Variants in GABRA3 observed in about 807,000 individuals in gnomAD.
GABRA3 encodes the protein gamma-aminobutyric acid type A receptor subunit alpha3.
A neutral mutation model predicts 30.1 loss-of-function variants in GABRA3; 10 were observed. The ratio of observed to expected loss-of-function variants is 0.33; its 90% CI spans 0.20 to 0.56. GABRA3 has a LOEUF of 0.56. Ranked by LOEUF, GABRA3 falls within the 20% of genes least tolerant of loss-of-function variation. GABRA3 has a pLI of 0.89. For synonymous variants in GABRA3, 151 were observed against 146.8 expected, an observed-to-expected ratio of 1.03 and a Z score of -0.21; for missense variants, 233 against 392.0, an observed-to-expected ratio of 0.59 and a Z score of 3.42.
At chrX:152,381,747 G>C (rs1182750185) in intron 1 of GABRA3, among the ~76,000 whole-genome samples, 1 of 107,797 alleles carries the variant, frequency 9.3e-6, no homozygotes, top group Non-Finnish European at 1.9e-5. Flanking sequence ...TCCCCTCCCT[G>C]TGTCCATATG....
intron 5 of GABRA3, among the ~76,000 whole-genome samples, chrX:152,232,767 G>A (rs572414311): frequency 8.2e-5 from 9 of 109,333 alleles, no homozygotes; most frequent in African/African-American, 3.0e-4. Flanking sequence ...TGTGAACAGT[G>A]CTGCAATAAA....
chrX:152,230,926 C>T (rs1938055947), intron 5 of GABRA3, among the ~76,000 whole-genome samples: 2 of 109,656 alleles, frequency 1.8e-5, no homozygotes, highest in South Asian at 7.6e-4. Flanking sequence ...AATCATGATG[C>T]ATACAAGAAA....
At chrX:152,385,483 A>G (rs368613690) in intron 1 of GABRA3, among the ~76,000 whole-genome samples, 29 of 112,255 alleles carry the variant, frequency 2.6e-4, no homozygotes, top group African/African-American at 9.4e-4. Flanking sequence ...CAAACCTAAC[A>G]TTAAATTAAC....
At chrX:152,177,085 G>C (rs1463998476) in intron 9 of GABRA3, among the ~76,000 whole-genome samples, 1 of 111,918 alleles carries the variant, frequency 8.9e-6, no homozygotes, top group African/African-American at 3.3e-5. Flanking sequence ...AAGAGTGAGA[G>C]AGTAATGGTC....
chrX:152,357,672 T>C lies in GABRA3; in HGVS notation c.140+6759A>G, dbSNP rs757964375. ...TTGGTTTTGTTGCAATTGCTTTTCA[T>C]GTCTTCATCATGAAATCTTTGCCAG... On this transcript the variant is annotated intron_variant, in intron 2 of 9. Coordinates refer to ENST00000370314, the MANE Select transcript of GABRA3 (RefSeq NM_000808.4). Among the ~76,000 whole-genome samples, 21 of 112,141 alleles carry C rather than the reference T, an allele frequency of 1.9e-4. No individual in the cohort carries two copies. In the South Asian group the frequency reaches 6.2e-3, roughly 33 times the overall value.
chrX:152,187,355 T>C (rs1937268965), intron 9 of GABRA3: 1 of 111,741 alleles, frequency 8.9e-6, no homozygotes, highest in Non-Finnish European at 1.9e-5. Context: ...TCAAGGATAG[T>C]GTCCCAAAAG....
intron 3 of GABRA3, among the ~76,000 whole-genome samples, chrX:152,286,150 A>G (rs1939292398): frequency 9.7e-6 from 1 of 103,361 alleles, no homozygotes; most frequent in South Asian, 4.4e-4. Flanking sequence ...TTATATACTT[A>G]TATACTATAA....
At chrX:152,175,851 T>C (rs998896535) in intron 9 of GABRA3, among the ~76,000 whole-genome samples, 1 of 110,086 alleles carries the variant, frequency 9.1e-6, no homozygotes, top group Non-Finnish European at 1.9e-5. Flanking sequence ...GATCATGAGG[T>C]CAGGAGATCG....
chrX:152,182,722 G>GTATATATACACTATATATACACTA (rs1569348627), intron 9 of GABRA3, among the ~76,000 whole-genome samples: 8 of 3,211 alleles, frequency 2.5e-3, no homozygotes, highest in Non-Finnish European at 3.1e-3. Flanking sequence ...ACATATATAG[G>GTATATATACACTATATATACACTA]TATAGTGTAT....
intron 3 of GABRA3, among the ~76,000 whole-genome samples, chrX:152,298,673 C>T (rs894772243): frequency 5.4e-5 from 6 of 110,742 alleles, no homozygotes; most frequent in Middle Eastern, 4.6e-3. Context: ...TGAATAGTGC[C>T]GTAATAAACA....
chrX:152,364,195 A>T (rs1023429823), intron 2 of GABRA3, among the ~76,000 whole-genome samples: 25 of 111,609 alleles, frequency 2.2e-4, no homozygotes, highest in African/African-American at 7.5e-4. Flanking sequence ...AACTATTTTT[A>T]AGATATTACA....
At chrX:152,242,068 C>CA (rs1277895419) in intron 5 of GABRA3, among the ~76,000 whole-genome samples, 3 of 111,411 alleles carry the variant, frequency 2.7e-5, no homozygotes, top group South Asian at 3.7e-4. Flanking sequence ...ATGGTACTAA[C>CA]AAAAAAACAA....
At chrX:152,448,251 C>A (rs1931136631) in intron 1 of GABRA3, among the ~76,000 whole-genome samples, 1 of 112,082 alleles carries the variant, frequency 8.9e-6, no homozygotes, top group South Asian at 3.7e-4. Context: ...AAATCCGAGG[C>A]CCCTGCCATA....
At chrX:152,221,843 C>T (rs1196189242) in intron 6 of GABRA3, among the ~76,000 whole-genome samples, 1 of 111,495 alleles carries the variant, frequency 9.0e-6, no homozygotes, top group Non-Finnish European at 1.9e-5. Flanking sequence ...AGATTAGTAC[C>T]CATTAGTTAT....
At chrX:152,232,727 A>G (rs925156934) in intron 5 of GABRA3, among the ~76,000 whole-genome samples, 3 of 108,993 alleles carry the variant, frequency 2.8e-5, no homozygotes, top group Admixed American at 1.0e-4. Context: ...CCATTAATGT[A>G]CACTTAGGAT....
intron 1 of GABRA3, among the ~76,000 whole-genome samples, chrX:152,439,077 G>A (rs747782291): frequency 5.5e-5 from 6 of 109,778 alleles, no homozygotes; most frequent in Non-Finnish European, 7.6e-5. Context: ...GGGTAACTCC[G>A]TTGAATTTTT....
chrX:152,339,180 CA>C (rs1397136784), intron 3 of GABRA3, among the ~76,000 whole-genome samples: 19 of 109,555 alleles, frequency 1.7e-4, no homozygotes, highest in African/African-American at 6.3e-4. Context: ...CAATCTTCAA[CA>C]AAACAAACAA....
intron 7 of GABRA3, among the ~76,000 whole-genome samples, chrX:152,201,292 T>C (rs1404943971): frequency 1.8e-5 from 2 of 112,160 alleles, no homozygotes; most frequent in African/African-American, 6.5e-5. Flanking sequence ...TCCACCCTTT[T>C]GTCCCAGCTT....
chrX:152,258,617 A>G (rs1320118987), intron 4 of GABRA3, among the ~76,000 whole-genome samples: 1 of 111,941 alleles, frequency 8.9e-6, no homozygotes, highest in Admixed American at 9.5e-5. Context: ...GATCCCAGCC[A>G]GTACATAATG....
Sources: allele counts gnomAD v4.1 joint callset (sites outside exome capture counted in the v4.1 genomes callset), GRCh38; gene constraint gnomAD v4.1.1; transcripts MANE v1.5; gene names NCBI Gene and HGNC (gene_info 2026-07-23, HGNC 2026-07-21).